NELL1: variants seen among roughly 807,000 people sequenced by gnomAD.
NELL1 encodes the protein neural EGFL like 1.
In NELL1, 76 loss-of-function variants were observed where a neutral mutation model predicts 107.4. The observed-to-expected ratio is 0.71, with a 90% confidence interval of 0.59 to 0.86. NELL1 has a LOEUF of 0.86. Ranked by LOEUF, NELL1 falls within the 40% of genes least tolerant of loss-of-function variation. The pLI, the probability that NELL1 is intolerant of heterozygous loss-of-function variation, is 0.00. For synonymous variants in NELL1, 353 were observed against 341.2 expected, an observed-to-expected ratio of 1.03 and a Z score of -0.38; for missense variants, 1,024 against 1,005.5, an observed-to-expected ratio of 1.02 and a Z score of -0.25.
At chr11:20,861,502 A>G (rs1395253340) in intron 4 of NELL1, among the ~76,000 whole-genome samples, 1 of 152,152 alleles carries the variant, frequency 6.6e-6, no homozygotes, top group Admixed American at 6.5e-5. Context: ...CCTGTCACAC[A>G]GCAGTGACTA....
intron 14 of NELL1, among the ~76,000 whole-genome samples, chr11:21,343,781 T>G (rs1850626246): frequency 6.6e-6 from 1 of 152,146 alleles, no homozygotes; most frequent in South Asian, 2.1e-4. Context: ...TCCAGTGGGT[T>G]GTAGGTTGCC....
At chr11:21,395,453 T>A (rs1020367517) in intron 15 of NELL1, among the ~76,000 whole-genome samples, 9 of 151,592 alleles carry the variant, frequency 5.9e-5, no homozygotes, top group South Asian at 2.1e-4. Context: ...TTCTAACTTT[T>A]ACATCTATAT....
At chr11:21,341,650 A>G (rs1167998459) in intron 14 of NELL1, among the ~76,000 whole-genome samples, 1 of 152,226 alleles carries the variant, frequency 6.6e-6, no homozygotes, top group Non-Finnish European at 1.5e-5. Flanking sequence ...AGACCAAGCC[A>G]TTACATCTAT....
chr11:21,446,203 C>T (rs561238433), intron 15 of NELL1, among the ~76,000 whole-genome samples: 1 of 151,974 alleles, frequency 6.6e-6, no homozygotes, highest in African/African-American at 2.4e-5. Flanking sequence ...AAAATTATTT[C>T]AATTTATTTG....
At chr11:21,263,773 C>A (rs1341291490) in intron 14 of NELL1, among the ~76,000 whole-genome samples, 1 of 151,896 alleles carries the variant, frequency 6.6e-6, no homozygotes, top group Admixed American at 6.6e-5. Flanking sequence ...TGGCTTTTCT[C>A]ACTGAGTGTT....
intron 14 of NELL1, among the ~76,000 whole-genome samples, chr11:21,369,419 G>A (rs1851307718): frequency 1.4e-5 from 2 of 145,752 alleles, no homozygotes; most frequent in African/African-American, 5.0e-5. Flanking sequence ...AGAAACAGGA[G>A]ATGATGTTTG....
At chr11:21,316,298 A>G (rs1329334257) in intron 14 of NELL1, among the ~76,000 whole-genome samples, 1 of 152,194 alleles carries the variant, frequency 6.6e-6, no homozygotes, top group Non-Finnish European at 1.5e-5. Context: ...CTTTTTTAAA[A>G]CACGAGATGA....
chr11:20,993,716 G>A (rs1852027752), intron 12 of NELL1, among the ~76,000 whole-genome samples: 1 of 152,010 alleles, frequency 6.6e-6, no homozygotes, highest in African/African-American at 2.4e-5. Flanking sequence ...TTTGTAAATA[G>A]TTATTATACT....
rs1178912797 is a variant in NELL1, at chr11:21,320,639, C to A, written c.1550-50214C>A. 1.3e-4 allele frequency among the ~76,000 whole-genome samples: 20 copies of A among 152,264 alleles called. No homozygotes were observed. In the East Asian group the frequency reaches 3.7e-3, roughly 28 times the overall value. ...GCTGTTTATTCCATCAGGGCTGAGG[C>A]TCTTAATTGCTCTCTTAGAATCTCT... is the stretch of plus-strand genomic sequence containing the variant. On this transcript the variant is annotated intron_variant, in intron 14 of 19. Coordinates refer to ENST00000357134, the MANE Select transcript of NELL1 (RefSeq NM_006157.5).
intron 3 of NELL1, among the ~76,000 whole-genome samples, chr11:20,808,604 T>C (rs1321333176): frequency 6.6e-6 from 1 of 152,222 alleles, no homozygotes; most frequent in Non-Finnish European, 1.5e-5. Flanking sequence ...GTTGCAGTCC[T>C]TGTGGCTTAG....
chr11:21,082,728 AAC>A (rs1225866098), intron 12 of NELL1, among the ~76,000 whole-genome samples: 1 of 152,100 alleles, frequency 6.6e-6, no homozygotes, highest in Non-Finnish European at 1.5e-5. Flanking sequence ...CCCCCAAAAA[AAC>A]AGTTAATTTT....
chr11:21,374,958 TGG>T (rs1376985092), intron 15 of NELL1, among the ~76,000 whole-genome samples: 3 of 151,676 alleles, frequency 2.0e-5, no homozygotes, highest in Non-Finnish European at 4.4e-5. Flanking sequence ...CATGCAGGTG[TGG>T]ACTTGCACAT....
intron 2 of NELL1, among the ~76,000 whole-genome samples, chr11:20,719,204 C>G (rs2133906132): frequency 6.6e-6 from 1 of 152,316 alleles, no homozygotes; most frequent in South Asian, 2.1e-4. Flanking sequence ...AGAAAATACA[C>G]TCTCTTCTGG....
intron 14 of NELL1, among the ~76,000 whole-genome samples, chr11:21,315,854 G>T (rs1432001463): frequency 1.6e-5 from 2 of 121,830 alleles, no homozygotes; most frequent in Admixed American, 8.2e-5. Context: ...GACTTTATTT[G>T]AATGTGTTGG....
At chr11:21,357,437 C>T (rs1016021873) in intron 14 of NELL1, among the ~76,000 whole-genome samples, 2 of 152,028 alleles carry the variant, frequency 1.3e-5, no homozygotes, top group African/African-American at 2.4e-5. Flanking sequence ...TATTCGTTGG[C>T]CATTTGTATA....
intron 15 of NELL1, among the ~76,000 whole-genome samples, chr11:21,489,645 T>C (rs1180592899): frequency 1.3e-5 from 2 of 151,830 alleles, no homozygotes; most frequent in Non-Finnish European, 2.9e-5. Context: ...ATTCAACATA[T>C]GCAAATCAAT....
chr11:21,501,563 TG>T, intron 15 of NELL1, among the ~76,000 whole-genome samples: 1 of 152,298 alleles, frequency 6.6e-6, no homozygotes, highest in East Asian at 1.9e-4. Flanking sequence ...AACAATGAAC[TG>T]GACAAAGAAA....
chr11:20,676,416 C>A (rs1027803417), intron 1 of NELL1, among the ~76,000 whole-genome samples: 1 of 151,980 alleles, frequency 6.6e-6, no homozygotes, highest in Non-Finnish European at 1.5e-5. Context: ...CTCAGTAATA[C>A]CTGTTGAAAA....
intron 14 of NELL1, among the ~76,000 whole-genome samples, chr11:21,350,989 G>A (rs1480274439): frequency 6.6e-6 from 1 of 152,074 alleles, no homozygotes; most frequent in Non-Finnish European, 1.5e-5. Flanking sequence ...TATCATCTTG[G>A]ATTTAGCATG....
Sources: allele counts gnomAD v4.1 joint callset (sites outside exome capture counted in the v4.1 genomes callset), GRCh38; gene constraint gnomAD v4.1.1; transcripts MANE v1.5; gene names NCBI Gene and HGNC (gene_info 2026-07-23, HGNC 2026-07-21).